The following SDK1 variants were observed in gnomAD, a reference collection of about 807,000 sequenced individuals.
SDK1 encodes protein sidekick-1.
In SDK1, 157 loss-of-function variants were observed where a neutral mutation model predicts 245.5. The ratio of observed to expected loss-of-function variants is 0.64; its 90% confidence interval spans 0.56 to 0.73. SDK1 has a LOEUF of 0.73. SDK1 is among the 30% of genes least tolerant of loss of function. The pLI is 0.00. For synonymous variants in SDK1, 1,647 were observed against 1,278.5 expected (o/e 1.29, Z -6.15); for missense variants, 3,583 against 3,002.3 (o/e 1.19, Z -4.52).
intron 1 of SDK1, among the ~76,000 whole-genome samples, chr7:3,577,130 C>T (rs1424471604): frequency 3.3e-5 from 5 of 151,936 alleles, no homozygotes; most frequent in Non-Finnish European, 5.9e-5. Flanking sequence ...TGCCTCTGGG[C>T]CCCATTCTAA....
chr7:3,501,334 A>G (rs1354346966), intron 1 of SDK1, among the ~76,000 whole-genome samples: 7 of 151,612 alleles, frequency 4.6e-5, no homozygotes, highest in African/African-American at 1.2e-4. Context: ...GTTTTCTCCA[A>G]CTTGCTCTTT....
chr7:4,123,609 G>A lies in SDK1; in HGVS notation c.3824-3772G>A, dbSNP rs967231290. On this transcript the variant is annotated intron_variant, in intron 25 of 44. Coordinates refer to ENST00000404826, the MANE Select transcript of SDK1 (RefSeq NM_152744.4). ...TTCACATTGCAAGTATTCCCTTTCC[G>A]TGACACCTCTCTACTCAAATAAATG... is the stretch of plus-strand genomic sequence containing the variant. Among the ~76,000 whole-genome samples, 3 of 152,084 alleles carry A rather than the reference G, an allele frequency of 2.0e-5. No individual in the cohort carries two copies. The South Asian group carries it at 6.2e-4, about 31-fold the overall frequency.
In SDK1 at chr7:4,123,679, C is replaced by G. The variant is rs377560195; in HGVS notation, c.3824-3702C>G. ...ACTGAGTAACTGAATGAATGACTCT[C>G]AACTGACATATTTGGGAAGATTGGA... On this transcript the variant is annotated intron_variant, in intron 25 of 44. Transcript: ENST00000404826. Among the ~76,000 whole-genome samples the G allele has an allele frequency of 3.9e-3, 593 of 152,356 alleles. 17 individuals carry two copies. The South Asian group carries it at 0.079, about 20-fold the overall frequency.
chr7:4,013,227 G>T (rs538197896), intron 16 of SDK1, among the ~76,000 whole-genome samples: 41 of 152,350 alleles, frequency 2.7e-4, no homozygotes, highest in Non-Finnish European at 1.3e-4. Context: ...ACTTGTCTGT[G>T]TTTGAGAGAA....
chr7:3,607,721 T>G (rs1781466625), intron 1 of SDK1, among the ~76,000 whole-genome samples: 1 of 152,258 alleles, frequency 6.6e-6, no homozygotes, highest in Non-Finnish European at 1.5e-5. Flanking sequence ...AAGCCAAAAG[T>G]AAATGTGTTG....
intron 4 of SDK1, among the ~76,000 whole-genome samples, chr7:3,678,026 C>G (rs1301102779): frequency 1.3e-5 from 2 of 152,182 alleles, no homozygotes; most frequent in South Asian, 2.1e-4. Flanking sequence ...TGTCATTAGT[C>G]ATTAGTGGTC....
intron 4 of SDK1, among the ~76,000 whole-genome samples, chr7:3,805,780 A>G (rs1779225991): frequency 6.6e-6 from 1 of 152,208 alleles, no homozygotes; most frequent in Admixed American, 6.5e-5. Flanking sequence ...CATCCAGTGT[A>G]TCCAAAAAAG....
intron 4 of SDK1, among the ~76,000 whole-genome samples, chr7:3,779,655 G>A (rs958043354): frequency 1.3e-5 from 2 of 152,116 alleles, no homozygotes; most frequent in East Asian, 1.9e-4. Context: ...TGATGAGTCC[G>A]GGCGCGGTGG....
chr7:3,580,394 A>T (rs1468040446), intron 1 of SDK1, among the ~76,000 whole-genome samples: 2 of 152,218 alleles, frequency 1.3e-5, no homozygotes, highest in Non-Finnish European at 2.9e-5. Flanking sequence ...TTCAAATTAT[A>T]CTGCAGGGCT....
At chr7:3,965,768 C>G (rs1562585296) in intron 9 of SDK1, among the ~76,000 whole-genome samples, 3 of 151,930 alleles carry the variant, frequency 2.0e-5, no homozygotes, top group East Asian at 2.0e-4. Context: ...CATATTGAGC[C>G]GGGGCCTCCC....
rs150895082 is a variant in SDK1 at position 3,957,405 on chromosome 7, A to G, written c.1151-1526A>G. ...AAGATGTTACCATTGCGGGAAGCCG[A>G]GTGAAGGGTCCATGAGCTCTTTCAG... On this transcript the variant is annotated intron_variant, in intron 7 of 44. Coordinates refer to ENST00000404826, the MANE Select transcript of SDK1 (RefSeq NM_152744.4). Among the ~76,000 whole-genome samples the G allele has an allele frequency of 1.5e-3, 235 of 152,330 alleles. 2 individuals carry two copies. Among genetic ancestry groups the G allele is most frequent in the African/African-American group, 4.4e-3 (184 of 41,596 alleles).
chr7:3,430,188 C>T (rs9655276), intron 1 of SDK1, among the ~76,000 whole-genome samples: 131 of 152,230 alleles, frequency 8.6e-4, no homozygotes, highest in African/African-American at 2.9e-3. Flanking sequence ...GAGAAGGAGC[C>T]GTTTCAGCGA....
chr7:3,673,676 A>T (rs952768399), intron 4 of SDK1, among the ~76,000 whole-genome samples: 7 of 152,124 alleles, frequency 4.6e-5, no homozygotes, highest in African/African-American at 1.4e-4. Context: ...TGCTCTGCAA[A>T]GACAAAAGCT....
chr7:3,428,008 T>C (rs1038114160), intron 1 of SDK1, among the ~76,000 whole-genome samples: 13 of 152,250 alleles, frequency 8.5e-5, no homozygotes, highest in African/African-American at 3.1e-4. Context: ...TTCAGTGCTG[T>C]ACTTTCATCT....
At chr7:4,102,810 G>A (rs1392483829) in intron 22 of SDK1, among the ~76,000 whole-genome samples, 2 of 152,168 alleles carry the variant, frequency 1.3e-5, no homozygotes, top group Non-Finnish European at 2.9e-5. Flanking sequence ...GTGGCGGGCG[G>A]CAGCATCCCC....
intron 29 of SDK1, among the ~76,000 whole-genome samples, chr7:4,148,073 G>A (rs1171076554): frequency 6.6e-6 from 1 of 152,046 alleles, no homozygotes; most frequent in East Asian, 1.9e-4. Context: ...GGCTCAGGGA[G>A]AGGGAATCCA....
intron 1 of SDK1, among the ~76,000 whole-genome samples, chr7:3,609,791 C>T (rs1263019186): frequency 1.3e-5 from 2 of 151,366 alleles, no homozygotes; most frequent in African/African-American, 4.9e-5. Flanking sequence ...ACCTTTGCCT[C>T]CTGGGTTCAA....
chr7:3,533,427 A>G (rs1202571515), intron 1 of SDK1, among the ~76,000 whole-genome samples: 1 of 152,218 alleles, frequency 6.6e-6, no homozygotes, highest in Non-Finnish European at 1.5e-5. Flanking sequence ...GAATTTTATT[A>G]TTCTGATAGT....
At chr7:3,429,693 C>G (rs971147017) in intron 1 of SDK1, among the ~76,000 whole-genome samples, 1 of 151,008 alleles carries the variant, frequency 6.6e-6, no homozygotes, top group African/African-American at 2.4e-5. Context: ...GCCTCCTGGG[C>G]TCAAGCAATC....
Sources: gnomAD v4.1 joint callset for allele counts (sites outside exome capture counted in the v4.1 genomes callset) on GRCh38, gnomAD v4.1.1 for gene constraint, MANE v1.5 for transcripts, NCBI Gene and HGNC (gene_info 2026-07-23, HGNC 2026-07-21) for gene names.